Variants in PPFIA2 observed in about 807,000 individuals in gnomAD.
PPFIA2 encodes PPFI scaffold protein A2.
In PPFIA2, 46 loss-of-function variants were observed where a neutral mutation model predicts 175.5. The ratio of observed to expected loss-of-function variants is 0.26; its 90% CI spans 0.21 to 0.34. The LOEUF is 0.34. Ranked by LOEUF, PPFIA2 falls within the 10% of genes least tolerant of loss-of-function variation. The pLI, the probability that PPFIA2 is intolerant of heterozygous loss-of-function variation, is 1.00. For synonymous variants in PPFIA2, 568 were observed against 511.4 expected, an observed-to-expected ratio of 1.11 and a Z score of -1.49; for missense variants, 1,179 against 1,506.1, an observed-to-expected ratio of 0.78 and a Z score of 3.60.
At chr12:81,747,690 G>C (rs1237420929) in intron 3 of PPFIA2, among the ~76,000 whole-genome samples, 1 of 143,982 alleles carries the variant, frequency 6.9e-6, no homozygotes, top group East Asian at 2.1e-4. Flanking sequence ...TTTGAAGTAA[G>C]CACTTTGACC....
rs566696514 is a variant in PPFIA2 at position 81,680,823 on chromosome 12, A to G, written c.250-3979T>C. On this transcript the variant is annotated intron_variant, in intron 3 of 32. Transcript: ENST00000549396. ...TCAGTGTTGTCCAGTGGAAATTGGG[A>G]CCAGGGTCAGAATTAGAGCAGGTAA... Among the ~76,000 whole-genome samples the G allele has an allele frequency of 2.6e-5, 4 of 152,096 alleles. No individual in the cohort carries two copies. In the East Asian group the frequency reaches 7.8e-4, roughly 30 times the overall value.
chr12:81,642,704 A>ATATTATATACATACG lies in PPFIA2; in HGVS notation c.303+34086_303+34087insCGTATGTATATAATA. On this transcript the variant is annotated intron_variant, in intron 4 of 32. Transcript: ENST00000549396. ...GTATCTATTATATACATACATGTAT[A>ATATTATATACATACG]TGTATGTATGTATTATATACATACA... is the stretch of plus-strand genomic sequence containing the variant. Among the ~76,000 whole-genome samples the ATATTATATACATACG allele has an allele frequency of 9.7e-3, 92 of 9,468 alleles. 20 individuals carry two copies. The highest frequency in any genetic ancestry group is 0.014 in the African/African-American group (50 of 3,578). The allele number at this position is 9,468 out of a possible 152,430, so 6.2% of individuals were successfully genotyped here. A position where few individuals can be genotyped will look rare whatever the true frequency, so the allele number is the denominator to read the frequency against.
chr12:81,271,783 G>C (rs2039185584), intron 28 of PPFIA2, among the ~76,000 whole-genome samples: 1 of 151,964 alleles, frequency 6.6e-6, no homozygotes, highest in African/African-American at 2.4e-5. Flanking sequence ...AAGTCCTGCA[G>C]ATATTATTTT....
Position 81,341,156 on chromosome 12 carries a change from T to A in PPFIA2, c.2315A>T (p.Glu772Val), listed in dbSNP as rs1192304188. 2 of 1,612,180 alleles carry A rather than the reference T, an allele frequency of 1.2e-6. No homozygotes were observed. The highest frequency in any genetic ancestry group is 3.3e-5 in the Admixed American group (2 of 59,840). ...TCTAGGGGTAGGAGGAGGAGAAGTTTCACATTTAATTGTTGCTTTGTCCTC... is the reference window on the plus strand; with the variant it reads ...TCTAGGGGTAGGAGGAGGAGAAGTTACACATTTAATTGTTGCTTTGTCCTC... ...GREDKATIKCETSPPPTPRAL... is the reference protein window; with the variant it reads ...GREDKATIKCVTSPPPTPRAL... Residue 772 changes from glutamate (E) to valine (V), a missense_variant, in exon 20 of 33, where the codon GAA becomes GTA. Glu to Val is a moderately radical substitution (Grantham distance 121). Around this residue, in one of 10 missense-constraint regions of PPFIA2, gnomAD observed 223 missense variants for 241.6 expected, o/e 0.92. Coordinates refer to ENST00000549396, the MANE Select transcript of PPFIA2 (RefSeq NM_003625.5).
At chr12:81,587,286 T>C (rs1779172038) in intron 4 of PPFIA2, among the ~76,000 whole-genome samples, 1 of 151,928 alleles carries the variant, frequency 6.6e-6, no homozygotes, top group Non-Finnish European at 1.5e-5. Flanking sequence ...CTTGTGATAG[T>C]GAGTTCTCAT....
chr12:81,345,926 G>A (rs542239259), intron 18 of PPFIA2, among the ~76,000 whole-genome samples: 10 of 152,180 alleles, frequency 6.6e-5, no homozygotes, highest in Middle Eastern at 3.4e-3. Context: ...AGTGGAATCA[G>A]TTCTGATTAG....
chr12:81,313,584 A>AT, intron 22 of PPFIA2, among the ~76,000 whole-genome samples: 1 of 152,082 alleles, frequency 6.6e-6, no homozygotes, highest in Admixed American at 6.6e-5. Context: ...AATTTATCAT[A>AT]TTTTTCACAT....
At chr12:81,559,319 C>G (rs1178892861) in intron 4 of PPFIA2, among the ~76,000 whole-genome samples, 1 of 152,152 alleles carries the variant, frequency 6.6e-6, no homozygotes, top group East Asian at 1.9e-4. Flanking sequence ...CATGCACGTG[C>G]ATGTGTGTGT....
At chr12:81,337,179 C>G (rs2057271037) in intron 21 of PPFIA2, among the ~76,000 whole-genome samples, 1 of 152,094 alleles carries the variant, frequency 6.6e-6, no homozygotes, top group African/African-American at 2.4e-5. Context: ...TTCCTGGAAG[C>G]TTTGATTCAC....
At chr12:81,695,705 T>A (rs566339641) in intron 3 of PPFIA2, among the ~76,000 whole-genome samples, 63 of 152,176 alleles carry the variant, frequency 4.1e-4, no homozygotes, top group Non-Finnish European at 8.2e-4. Context: ...TCAGCCTTAC[T>A]CTGTTCAGAA....
At chr12:81,634,349 G>A (rs1003381417) in intron 4 of PPFIA2, among the ~76,000 whole-genome samples, 1 of 151,930 alleles carries the variant, frequency 6.6e-6, no homozygotes, top group Non-Finnish European at 1.5e-5. Context: ...AATGATTTCT[G>A]TAAGTTTATT....
At chr12:81,563,664 G>A (rs549116203) in intron 4 of PPFIA2, among the ~76,000 whole-genome samples, 5 of 152,228 alleles carry the variant, frequency 3.3e-5, no homozygotes, top group South Asian at 2.1e-4. Context: ...ATCAACACAC[G>A]CTGTTAAAAT....
intron 21 of PPFIA2, among the ~76,000 whole-genome samples, chr12:81,331,258 T>G (rs1291539828): frequency 6.6e-6 from 1 of 152,240 alleles, no homozygotes; most frequent in African/African-American, 2.4e-5. Flanking sequence ...CCTACAGTGT[T>G]CAGTACAGTC....
In PPFIA2 at chr12:81,650,516, G is replaced by A. The variant is rs75444343; in HGVS notation, c.303+26275C>T. Among the ~76,000 whole-genome samples the A allele has an allele frequency of 4.5e-4, 68 of 152,146 alleles. 1 individual carries two copies. In the East Asian group the frequency reaches 0.012, roughly 26 times the overall value. On this transcript the variant is annotated intron_variant, in intron 4 of 32. Coordinates refer to ENST00000549396, the MANE Select transcript of PPFIA2 (RefSeq NM_003625.5). ...CATAAGAGCAAATCTACCATGTATA[G>A]ACTTATATCCTATAGGAAATAAGAG... is the stretch of plus-strand genomic sequence containing the variant.
chr12:81,671,565 A>C (rs2071421359), intron 4 of PPFIA2, among the ~76,000 whole-genome samples: 1 of 151,884 alleles, frequency 6.6e-6, no homozygotes, highest in Non-Finnish European at 1.5e-5. Flanking sequence ...GTAACAAGAA[A>C]ATGTTTCTAA....
At chr12:81,608,791 T>G (rs1208732393) in intron 4 of PPFIA2, among the ~76,000 whole-genome samples, 1 of 152,008 alleles carries the variant, frequency 6.6e-6, no homozygotes, top group Non-Finnish European at 1.5e-5. Context: ...GTCAATTTTA[T>G]TGTTCTCTAA....
intron 20 of PPFIA2, among the ~76,000 whole-genome samples, 153 bp from the exon 21 acceptor site, chr12:81,339,487 G>GT (rs147870788): frequency 0.031 from 4,652 of 148,112 alleles, 208 homozygotes; most frequent in African/African-American, 0.11. Context: ...ATTAAATGCA[G>GT]TTTTTTTTTT....
At chr12:81,265,743 C>A (rs2037055189) in intron 30 of PPFIA2, among the ~76,000 whole-genome samples, 1 of 152,116 alleles carries the variant, frequency 6.6e-6, no homozygotes, top group Non-Finnish European at 1.5e-5. Flanking sequence ...TCTTCTAGTT[C>A]ATTACTATTA....
intron 4 of PPFIA2, among the ~76,000 whole-genome samples, chr12:81,481,133 C>A (rs1323444151): frequency 6.6e-6 from 1 of 152,124 alleles, no homozygotes; most frequent in Non-Finnish European, 1.5e-5. Flanking sequence ...AGTGAACTAC[C>A]ATTCACAATT....
Sources: gnomAD v4.1 joint callset for allele counts (sites outside exome capture counted in the v4.1 genomes callset) on GRCh38, gnomAD v4.1.1 for gene constraint, gnomAD v4.1.1 regional missense constraint, MANE v1.5 for transcripts, NCBI Gene and HGNC (gene_info 2026-07-23, HGNC 2026-07-21) for gene names.